The following CTU2 variants were observed in gnomAD, a reference collection of about 807,000 sequenced individuals.
CTU2 encodes cytoplasmic tRNA 2-thiolation protein 2.
In CTU2, 80 loss-of-function variants were observed where a neutral mutation model predicts 64.1. That is an observed-to-expected ratio of 1.25 (90% CI 1.04 to 1.50). The LOEUF (loss-of-function observed/expected upper bound fraction) is 1.50. Among genes scored for constraint, CTU2 ranks in the 40% most tolerant of loss-of-function variants. The probability of loss-of-function intolerance (pLI) is 0.00; values close to 1 mark genes in which losing one functional copy is unlikely to be tolerated. For synonymous variants in CTU2, 482 were observed against 285.3 expected, an observed-to-expected ratio of 1.69 and a Z score of -6.95; for missense variants, 1,110 against 690.2, an observed-to-expected ratio of 1.61 and a Z score of -6.81.
Position 88,715,377 on chromosome 16 carries a change from A to T in CTU2, c.*126A>T, listed in dbSNP as rs1911907396. 1 of 1,056,428 alleles carries T rather than the reference A, an allele frequency of 9.5e-7. No individual in the cohort carries two copies. The highest frequency in any genetic ancestry group is 1.3e-6 in the Non-Finnish European group (1 of 753,434). 65.4% of individuals were successfully genotyped at this position (1,056,428 alleles called of 1,614,324 possible). ...TGTATAAATAAAACATTTTTTAATT[A>T]AAAAAAAAACTCTACAGTACACGTG... On this transcript the variant is annotated 3_prime_UTR_variant, in exon 15 of 15. Coordinates refer to ENST00000453996, the MANE Select transcript of CTU2 (RefSeq NM_001012759.3).
At chr16:88,708,972 T>C (rs1273929574) in intron 2 of CTU2, 1 of 151,994 alleles carries the variant, frequency 6.6e-6, no homozygotes, top group East Asian at 1.9e-4. Context: ...GGCTGGAAAG[T>C]TTATTATGAA....
chr16:88,712,426 TG>T lies in CTU2; in HGVS notation c.453+49del, dbSNP rs34853465. 2.7e-6 allele frequency: 4 copies of T among 1,498,110 alleles called. No homozygotes were observed. In the South Asian group the frequency reaches 4.9e-5, roughly 18 times the overall value. 92.8% of individuals were successfully genotyped at this position (1,498,110 alleles called of 1,614,324 possible). On this transcript the variant is annotated intron_variant, in intron 6 of 14. Transcript: ENST00000453996. ...GGAAAGGGGTCCCGGAGGTGACCCC[TG>T]GGGGGCACCTGCCCGTGTCCCAGCC...
chr16:88,711,679 A>C lies in CTU2; in HGVS notation c.327A>C (p.Gly109=), dbSNP rs538359445. 5 of 1,608,412 alleles carry C rather than the reference A, an allele frequency of 3.1e-6. No homozygotes were observed. The highest frequency in any genetic ancestry group is 4.2e-6 in the Non-Finnish European group (5 of 1,176,758). ...DSAKRLRFVA[G]VIFVDEGAAC... ...CCAAAAGACTGCGCTTTGTGGCAGGAGTCATCTTTGTTGACGGTATGTGGG... is the reference window on the plus strand; with the variant it reads ...CCAAAAGACTGCGCTTTGTGGCAGGCGTCATCTTTGTTGACGGTATGTGGG... Residue 109 remains glycine, a synonymous_variant, in exon 5 of 15, where the codon GGA becomes GGC. Transcript: ENST00000453996.
At chr16:88,711,860 T>A (rs923771889) in intron 5 of CTU2, among the ~76,000 whole-genome samples, 165 bp downstream of exon 5, 1 of 152,196 alleles carries the variant, frequency 6.6e-6, no homozygotes, top group African/African-American at 2.4e-5. Context: ...GACATCTCCC[T>A]GAAGGAGGCA....
At chr16:88,711,564 A>T (rs893610559) in intron 4 of CTU2, 71 bp from the exon 5 acceptor site, 49 of 1,405,010 alleles carry the variant, frequency 3.5e-5, no homozygotes, top group Non-Finnish European at 4.5e-5. Flanking sequence ...CCAGATGAAG[A>T]ATGTTCTGAG....
chr16:88,708,593 C>G (rs946335785), intron 2 of CTU2, among the ~76,000 whole-genome samples: 1 of 152,170 alleles, frequency 6.6e-6, no homozygotes, highest in Admixed American at 6.5e-5. Flanking sequence ...TGCCAGTTAC[C>G]TGCAGTCCCT....
intron 2 of CTU2, among the ~76,000 whole-genome samples, chr16:88,707,636 T>A (rs1910982668): frequency 6.6e-6 from 1 of 152,160 alleles, no homozygotes; most frequent in South Asian, 2.1e-4. Context: ...GGATAGAGGC[T>A]TGGAAGACCT....
intron 2 of CTU2, among the ~76,000 whole-genome samples, chr16:88,707,530 T>A (rs543146494): frequency 6.6e-6 from 1 of 152,046 alleles, no homozygotes; most frequent in Non-Finnish European, 1.5e-5. Context: ...GCAGCTGGAA[T>A]ACATCTAGGG....
chr16:88,707,325 C>A, intron 2 of CTU2, 115 bp downstream of exon 2: 1 of 991,578 alleles, frequency 1.0e-6, no homozygotes, highest in Non-Finnish European at 1.6e-6. Flanking sequence ...TACTTTATTC[C>A]TGCTCCTGAT....
At chr16:88,714,996 T>A in intron 13 of CTU2, 52 bp from the exon 14 acceptor site, 1 of 1,596,536 alleles carries the variant, frequency 6.3e-7, no homozygotes. Context: ...GTGGGTGGCT[T>A]GAGGGGGTGC....
At position 88,712,361 on chromosome 16, in the gene CTU2, G is replaced by A. The variant is rs1175000711; in HGVS notation, c.431G>A (p.Trp144Ter). Residue 144 changes from tryptophan to a stop codon, truncating the protein, a stop_gained, in exon 6 of 15, where the codon TGG (tryptophan) becomes TAG (stop). Transcript: ENST00000453996. LOFTEE classifies it high-confidence loss of function. ...KPILQATGFP[W>*]HVVALEEVFS... ...ATTCTGCAAGCAACTGGGTTCCCATGGCATGTGGTGGCCTTAGAGGAGGTG... is the reference window on the plus strand; with the variant it reads ...ATTCTGCAAGCAACTGGGTTCCCATAGCATGTGGTGGCCTTAGAGGAGGTG... 2 of 1,609,232 alleles carry A rather than the reference G, an allele frequency of 1.2e-6. No homozygotes were observed. Among genetic ancestry groups the A allele is most frequent in the South Asian group, 1.1e-5 (1 of 90,138 alleles).
chr16:88,713,824 G>A (rs758716750), intron 9 of CTU2, 46 bp downstream of exon 9: 3 of 1,607,720 alleles, frequency 1.9e-6, no homozygotes, highest in Admixed American at 1.7e-5. Flanking sequence ...TGACACCGGG[G>A]TGGGCCATGT....
intron 2 of CTU2, among the ~76,000 whole-genome samples, chr16:88,708,279 C>G (rs908692313): frequency 1.3e-5 from 2 of 152,208 alleles, no homozygotes; most frequent in Non-Finnish European, 2.9e-5. Context: ...GGGGAGCCGG[C>G]TCTCTAGGGG....
At chr16:88,711,778 C>G (rs112018814) in intron 5 of CTU2, 83 bp downstream of exon 5, 37 of 1,305,414 alleles carry the variant, frequency 2.8e-5, no homozygotes, top group Non-Finnish European at 3.9e-5. Flanking sequence ...GACCCTCCCT[C>G]TGGTGCCGGT....
chr16:88,713,278 AC>A (rs1320099297), intron 7 of CTU2, 33 bp from the exon 8 acceptor site: 2 of 1,149,924 alleles, frequency 1.7e-6, no homozygotes, highest in South Asian at 1.5e-5. Context: ...CGGGTCCTGC[AC>A]CCCCCAGGCC....
chr16:88,715,077 CCTGG>C lies in CTU2; in HGVS notation c.1453_1456del (p.Ala485ArgfsTer19). ...CACTGGACCCCCTGCCGCCGTACAT[CCTGG>C]CTGAGGCCCAGCTCCGCACACAGAG... On this transcript the variant is annotated frameshift_variant, in exon 14 of 15. Transcript: ENST00000453996. LOFTEE classifies it low-confidence loss of function (END_TRUNC). The C allele has an allele frequency of 6.3e-7, 1 of 1,575,948 alleles. No homozygotes were observed. Among genetic ancestry groups the C allele is most frequent in the Middle Eastern group, 1.7e-4 (1 of 5,894 alleles).
chr16:88,706,696 C>T, intron 1 of CTU2, 98 bp downstream of exon 1: 2 of 923,252 alleles, frequency 2.2e-6, no homozygotes, highest in Non-Finnish European at 3.0e-6. Context: ...GGAAGCCCCG[C>T]GTGGAGAGCG....
rs201932231 is a variant in CTU2, at chr16:88,713,297, C to A, written c.738-15C>A. ...TCCTGCACCCCCCAGGCCCCTGAGACGCTCTGTGCTTTAGGACCCACCTGA... is the reference window on the plus strand; with the variant it reads ...TCCTGCACCCCCCAGGCCCCTGAGAAGCTCTGTGCTTTAGGACCCACCTGA... On this transcript the variant is annotated splice_polypyrimidine_tract_variant and intron_variant, in intron 7 of 14. Coordinates refer to ENST00000453996, the MANE Select transcript of CTU2 (RefSeq NM_001012759.3). The A allele has an allele frequency of 9.1e-6, 14 of 1,534,892 alleles. No homozygotes were observed. Among genetic ancestry groups the A allele is most frequent in the Non-Finnish European group, 1.1e-5 (13 of 1,136,290 alleles).
At chr16:88,713,526 C>G (rs940141507) in intron 8 of CTU2, 79 bp downstream of exon 8, 26 of 1,496,520 alleles carry the variant, frequency 1.7e-5, no homozygotes, top group Admixed American at 4.6e-5. Context: ...AGTAGCCTCT[C>G]GCGTATCAGT....
Sources: gnomAD v4.1 joint callset for allele counts (sites outside exome capture counted in the v4.1 genomes callset) on GRCh38, gnomAD v4.1.1 for gene constraint, MANE v1.5 for transcripts, NCBI Gene and HGNC (gene_info 2026-07-23, HGNC 2026-07-21) for gene names.